Variants in CEP63 observed in about 807,000 individuals in gnomAD.
The protein encoded by CEP63 is centrosomal protein of 63 kDa.
A neutral mutation model predicts 89.1 loss-of-function variants in CEP63; 84 were observed. That is an observed-to-expected ratio of 0.94 (90% confidence interval 0.79 to 1.13). CEP63 has a LOEUF of 1.13. CEP63 is among the 50% of genes most tolerant of loss of function. CEP63 has a pLI of 0.00. For missense variants in CEP63, 838 were observed against 813.3 expected (o/e 1.03, Z -0.37); for synonymous variants, 267 against 272.5 (o/e 0.98, Z 0.20).
chr3:134,532,359 A>G (rs1040110869), intron 4 of CEP63, among the ~76,000 whole-genome samples: 4 of 152,210 alleles, frequency 2.6e-5, no homozygotes, highest in Admixed American at 6.5e-5. Context: ...TTTATTCTTC[A>G]GATTTGGAAA....
chr3:134,656,723 G>T, the CEP63 span, among the ~76,000 whole-genome samples: 1 of 152,128 alleles, frequency 6.6e-6, no homozygotes, highest in Non-Finnish European at 1.5e-5. Context: ...GAGAGGACAG[G>T]CAGGGGAGAC....
chr3:134,617,611 G>T, the CEP63 span, among the ~76,000 whole-genome samples: 2 of 152,026 alleles, frequency 1.3e-5, no homozygotes, highest in African/African-American at 4.8e-5. Flanking sequence ...TTTCTTTTTT[G>T]CTTTAGTGCA....
intron 1 of CEP63, among the ~76,000 whole-genome samples, chr3:134,489,315 G>GA (rs1936847177): frequency 6.6e-6 from 1 of 152,138 alleles, no homozygotes; most frequent in African/African-American, 2.4e-5. Context: ...CACTGCTCTA[G>GA]AAGCCTGATG....
the CEP63 span, among the ~76,000 whole-genome samples, chr3:134,667,800 G>A: frequency 6.6e-6 from 1 of 152,162 alleles, no homozygotes; most frequent in Non-Finnish European, 1.5e-5. Flanking sequence ...CCAAGACCCC[G>A]GGGCAAAGAG....
chr3:134,773,326 C>T, the CEP63 span, among the ~76,000 whole-genome samples: 2 of 152,302 alleles, frequency 1.3e-5, no homozygotes, highest in Admixed American at 1.3e-4. Context: ...CAGAGCCAGA[C>T]TCTTTAGGAG....
chr3:134,601,894 G>C, the CEP63 span, among the ~76,000 whole-genome samples: 1 of 152,236 alleles, frequency 6.6e-6, no homozygotes, highest in East Asian at 1.9e-4. Context: ...AGGGAAGGCT[G>C]CTGCTGCCTG....
chr3:134,576,231 A>T (rs1037368832), downstream of CEP63, among the ~76,000 whole-genome samples: 9 of 152,164 alleles, frequency 5.9e-5, no homozygotes, highest in Non-Finnish European at 1.0e-4. Flanking sequence ...CCACTAAAAT[A>T]TTTCTGCAGT....
chr3:134,682,311 T>C, the CEP63 span, among the ~76,000 whole-genome samples: 2 of 152,132 alleles, frequency 1.3e-5, no homozygotes, highest in South Asian at 2.1e-4. Context: ...CTAAAACAAA[T>C]ATAATTGAGA....
chr3:134,703,307 A>C, the CEP63 span, among the ~76,000 whole-genome samples: 2,366 of 151,918 alleles, frequency 0.016, 63 homozygotes, highest in African/African-American at 0.053. Flanking sequence ...AAAAAAAAAA[A>C]AAAAAAAAAG....
At chr3:134,587,771 C>A (rs964138351) in exon 11 of CEP63, among the ~76,000 whole-genome samples, 1 of 151,488 alleles carries the variant, frequency 6.6e-6, no homozygotes, top group African/African-American at 2.4e-5. Context: ...TCTTCTCCAT[C>A]GATCACGCTG....
At chr3:134,518,563 G>A (rs1946724119) in intron 3 of CEP63, among the ~76,000 whole-genome samples, 1 of 152,114 alleles carries the variant, frequency 6.6e-6, no homozygotes, top group Non-Finnish European at 1.5e-5. Flanking sequence ...AAATCAAAAT[G>A]AAAATTAGAA....
intron 3 of CEP63, among the ~76,000 whole-genome samples, chr3:134,518,572 A>C (rs1050516676): frequency 5.9e-5 from 9 of 152,238 alleles, no homozygotes; most frequent in Non-Finnish European, 1.2e-4. Context: ...TGAAAATTAG[A>C]AAATATTTTG....
chr3:134,627,835 A>G, the CEP63 span: 2 of 1,601,566 alleles, frequency 1.2e-6, no homozygotes, highest in Non-Finnish European at 1.7e-6. Context: ...TATTCCAAAG[A>G]TCAGAAGTAT....
At chr3:134,759,875 TATAAG>T in the CEP63 span, among the ~76,000 whole-genome samples, 1 of 152,334 alleles carries the variant, frequency 6.6e-6, no homozygotes, top group Admixed American at 6.5e-5. Flanking sequence ...CACAATAGCC[TATAAG>T]ATGTTTGCTC....
the CEP63 span, among the ~76,000 whole-genome samples, chr3:134,755,089 C>G: frequency 6.6e-6 from 1 of 152,192 alleles, no homozygotes; most frequent in Non-Finnish European, 1.5e-5. Context: ...TTAGGTCATT[C>G]TGACTTCAGA....
At position 134,564,929 on chromosome 3, in the gene CEP63, A is replaced by G. The variant is rs985406990; in HGVS notation, c.*3394A>G. On this transcript the variant is annotated 3_prime_UTR_variant, in exon 15 of 15. Transcript: ENST00000675561. Reference sequence around the variant, plus strand: ...TTAAAGCTGAAGTATCTAATAGTTAATGGGTTGTCCAAATTTGTCAGAACA... The same window carrying G: ...TTAAAGCTGAAGTATCTAATAGTTAGTGGGTTGTCCAAATTTGTCAGAACA... 1 of 983,902 alleles carries G rather than the reference A, an allele frequency of 1.0e-6. No individual in the cohort carries two copies. 60.9% of individuals were successfully genotyped at this position (983,902 alleles called of 1,614,324 possible). A position where few individuals can be genotyped will look rare whatever the true frequency, so the allele number is the denominator to read the frequency against.
chr3:134,486,479 G>A, intron 1 of CEP63: 5 of 985,652 alleles, frequency 5.1e-6, no homozygotes, highest in Non-Finnish European at 6.0e-6. Context: ...GCGCAGCCCG[G>A]CGTGGGGTTC....
intron 10 of CEP63, among the ~76,000 whole-genome samples, chr3:134,581,900 C>T (rs919371310): frequency 5.3e-5 from 8 of 151,796 alleles, no homozygotes; most frequent in Admixed American, 4.6e-4. Context: ...TGGTCTCGAT[C>T]TCCTGACCTC....
the CEP63 span, among the ~76,000 whole-genome samples, chr3:134,769,602 T>C: frequency 6.6e-6 from 1 of 152,218 alleles, no homozygotes; most frequent in African/African-American, 2.4e-5. Context: ...AGTTGATAAA[T>C]ATTTCCTGTC....
Sources: gnomAD v4.1 joint callset for allele counts (sites outside exome capture counted in the v4.1 genomes callset) on GRCh38, gnomAD v4.1.1 for gene constraint, MANE v1.5 for transcripts, NCBI Gene and HGNC (gene_info 2026-07-23, HGNC 2026-07-21) for gene names.